Variants in NRXN1 observed in about 807,000 individuals in gnomAD.
The protein encoded by NRXN1 is neurexin-1.
A neutral mutation model predicts 150.9 loss-of-function variants in NRXN1; 39 were observed. The ratio of observed to expected loss-of-function variants is 0.26; its 90% CI spans 0.20 to 0.34. The LOEUF (loss-of-function observed/expected upper bound fraction) is 0.34, where lower values mean the gene tolerates loss of function less well. NRXN1 is among the 10% of genes least tolerant of loss of function. NRXN1 has a pLI of 1.00. For missense variants in NRXN1, 1,815 were observed against 1,949.9 expected (o/e 0.93, Z 1.30); for synonymous variants, 924 against 757.0 (o/e 1.22, Z -3.62).
At chr2:50,337,083 C>CTTTTTT (rs768582035) in intron 17 of NRXN1, among the ~76,000 whole-genome samples, 13 of 133,056 alleles carry the variant, frequency 9.8e-5, no homozygotes, top group Non-Finnish European at 1.6e-4. Context: ...TTTTCTTTTT[C>CTTTTTT]TTTTTTTTTT....
intron 21 of NRXN1, among the ~76,000 whole-genome samples, chr2:49,969,338 AAGCACATCT>A (rs1374695624): frequency 1.3e-5 from 2 of 152,040 alleles, no homozygotes; most frequent in African/African-American, 2.4e-5. Context: ...CTGGTCCAAA[AAGCACATCT>A]AATCATGCAA....
In NRXN1 at chr2:50,307,787, A is replaced by T. The variant is rs906342023; in HGVS notation, c.3365-70817T>A. ...CTCATGAATTTCAGAGGTTCCCTTTATCTTTTCCGTGGATTTATACCCAAA... is the reference window on the plus strand; with the variant it reads ...CTCATGAATTTCAGAGGTTCCCTTTTTCTTTTCCGTGGATTTATACCCAAA... On this transcript the variant is annotated intron_variant, in intron 17 of 22. Transcript: ENST00000401669. 2.0e-5 allele frequency among the ~76,000 whole-genome samples: 3 copies of T among 152,260 alleles called. No individual in the cohort carries two copies. The East Asian group carries it at 5.8e-4, about 29-fold the overall frequency.
At chr2:50,023,662 A>G (rs1004362814) in intron 21 of NRXN1, 5 of 152,246 alleles carry the variant, frequency 3.3e-5, no homozygotes, top group Non-Finnish European at 7.3e-5. Context: ...GATAATTGCC[A>G]TAGCACAATT....
At chr2:50,758,050 T>C (rs1701368121) in intron 5 of NRXN1, 1 of 151,832 alleles carries the variant, frequency 6.6e-6, no homozygotes, top group East Asian at 2.0e-4. Context: ...ATAGCTCTCC[T>C]GCATTGCTTT....
intron 5 of NRXN1, among the ~76,000 whole-genome samples, chr2:50,640,506 T>C (rs746148486): frequency 3.3e-5 from 5 of 152,164 alleles, no homozygotes; most frequent in Non-Finnish European, 7.4e-5. Flanking sequence ...CCTTTCCCAA[T>C]TAATATATGC....
chr2:50,070,326 C>G (rs1696056573), intron 19 of NRXN1, among the ~76,000 whole-genome samples: 1 of 152,122 alleles, frequency 6.6e-6, no homozygotes, highest in Admixed American at 6.5e-5. Flanking sequence ...TTTGCAAGCC[C>G]TTTTTGTCCA....
chr2:50,711,870 T>G (rs1445136562), intron 5 of NRXN1, among the ~76,000 whole-genome samples: 1 of 152,112 alleles, frequency 6.6e-6, no homozygotes, highest in Non-Finnish European at 1.5e-5. Context: ...ATAACATTCA[T>G]GCCCTTCCAC....
intron 12 of NRXN1, among the ~76,000 whole-genome samples, chr2:50,515,778 T>C (rs2092613413): frequency 6.6e-6 from 1 of 152,080 alleles, no homozygotes; most frequent in South Asian, 2.1e-4. Flanking sequence ...TGTGAGAAGC[T>C]GGAAGCAAGC....
At chr2:50,932,477 T>C (rs1687900630) in intron 2 of NRXN1, among the ~76,000 whole-genome samples, 1 of 152,016 alleles carries the variant, frequency 6.6e-6, no homozygotes, top group Non-Finnish European at 1.5e-5. Context: ...GTGGAGCATT[T>C]AGGCCATTGA....
At chr2:50,176,239 G>T (rs1253318733) in intron 18 of NRXN1, among the ~76,000 whole-genome samples, 1 of 152,086 alleles carries the variant, frequency 6.6e-6, no homozygotes, top group Non-Finnish European at 1.5e-5. Context: ...AGCTCTTATT[G>T]AAATTTTTTA....
chr2:50,095,749 T>C (rs1424310168), intron 18 of NRXN1, among the ~76,000 whole-genome samples: 1 of 137,232 alleles, frequency 7.3e-6, no homozygotes, highest in Non-Finnish European at 1.5e-5. Context: ...TCCGTGATGC[T>C]TGGAGAACAT....
At chr2:50,105,895 A>C (rs1701575932) in intron 18 of NRXN1, among the ~76,000 whole-genome samples, 1 of 151,870 alleles carries the variant, frequency 6.6e-6, no homozygotes, top group Non-Finnish European at 1.5e-5. Flanking sequence ...ACCACCATTA[A>C]CTATTCCTTT....
Position 50,237,089 on chromosome 2 carries a change from A to G in NRXN1, c.3365-119T>C, listed in dbSNP as rs2065520577. 6.0e-6 allele frequency: 6 copies of G among 997,044 alleles called. No homozygotes were observed. In the Admixed American group the frequency reaches 1.1e-4, roughly 19 times the overall value. 61.8% of individuals were successfully genotyped at this position (997,044 alleles called of 1,614,324 possible). On this transcript the variant is annotated intron_variant, in intron 17 of 22. Transcript: ENST00000401669. ...TCTACACACAAAACTATGGCAAAGTAAATCATAGATTTCAATCAAATGTGC... is the reference window on the plus strand; with the variant it reads ...TCTACACACAAAACTATGGCAAAGTGAATCATAGATTTCAATCAAATGTGC...
chr2:50,065,150 G>A (rs1056311725), intron 19 of NRXN1, among the ~76,000 whole-genome samples: 6 of 152,172 alleles, frequency 3.9e-5, no homozygotes, highest in African/African-American at 1.2e-4. Context: ...AATGTATTGA[G>A]TAGCTTCATG....
chr2:50,973,427 A>C (rs1488562690), intron 2 of NRXN1, among the ~76,000 whole-genome samples: 9 of 152,178 alleles, frequency 5.9e-5, no homozygotes, highest in African/African-American at 2.2e-4. Flanking sequence ...TTTGTCTTAA[A>C]GATATCTCAG....
At chr2:49,975,189 T>G (rs1475070761) in intron 21 of NRXN1, among the ~76,000 whole-genome samples, 1 of 151,708 alleles carries the variant, frequency 6.6e-6, no homozygotes, top group Non-Finnish European at 1.5e-5. Context: ...GTGTTTCAAA[T>G]GACAGTATCA....
chr2:50,927,702 ATTAT>A (rs1385302372), intron 2 of NRXN1, among the ~76,000 whole-genome samples: 1 of 152,042 alleles, frequency 6.6e-6, no homozygotes, highest in Non-Finnish European at 1.5e-5. Flanking sequence ...ACTTAACAAG[ATTAT>A]TTAATATGTA....
intron 12 of NRXN1, among the ~76,000 whole-genome samples, chr2:50,507,092 C>T (rs541698307): frequency 3.9e-5 from 6 of 152,238 alleles, no homozygotes; most frequent in African/African-American, 1.2e-4. Flanking sequence ...ATTAGCTAAT[C>T]GTTTTCAGTG....
At chr2:50,188,433 T>G (rs763182898) in intron 18 of NRXN1, among the ~76,000 whole-genome samples, 1 of 152,130 alleles carries the variant, frequency 6.6e-6, no homozygotes, top group African/African-American at 2.4e-5. Context: ...CAAGAAAACC[T>G]AGGCAACACC....
Sources: allele counts gnomAD v4.1 joint callset (sites outside exome capture counted in the v4.1 genomes callset), GRCh38; gene constraint gnomAD v4.1.1; transcripts MANE v1.5; gene names NCBI Gene and HGNC (gene_info 2026-07-23, HGNC 2026-07-21).